Variants in DBN1 observed in about 807,000 individuals in gnomAD.
DBN1 encodes drebrin.
A neutral mutation model predicts 83.5 loss-of-function variants in DBN1; 21 were observed. That is an observed-to-expected ratio of 0.25 (90% CI 0.18 to 0.36). DBN1 has a LOEUF of 0.36. Ranked by LOEUF, DBN1 falls within the 10% of genes least tolerant of loss-of-function variation. The pLI is 1.00. For missense variants in DBN1, 874 were observed against 935.7 expected (o/e 0.93, Z 0.86); for synonymous variants, 381 against 384.9 (o/e 0.99, Z 0.12).
At position 177,459,374 on chromosome 5, in the gene DBN1, G is replaced by A. The variant is rs1467095408; in HGVS notation, c.1094-106C>T. ...CACCTCCTCTCTGGAATCTGGGTGGGGGCTGGGAGCTCTCCAGCCCCACCA... is the reference window on the plus strand; with the variant it reads ...CACCTCCTCTCTGGAATCTGGGTGGAGGCTGGGAGCTCTCCAGCCCCACCA... On this transcript the variant is annotated intron_variant, in intron 11 of 14. Transcript: ENST00000393565. The A allele has an allele frequency of 1.0e-5, 15 of 1,500,766 alleles. No individual in the cohort carries two copies. In the Admixed American group the frequency reaches 3.8e-4, roughly 38 times the overall value. 93.0% of individuals were successfully genotyped at this position (1,500,766 alleles called of 1,614,324 possible).
At chr5:177,457,908 G>T in intron 13 of DBN1, 150 bp downstream of exon 13, 1 of 767,950 alleles carries the variant, frequency 1.3e-6, no homozygotes, top group Non-Finnish European at 2.0e-6. Flanking sequence ...AGCAGAGCCG[G>T]CCCAGGGAGG....
In DBN1 at chr5:177,459,220, G is replaced by C; in HGVS notation, c.1142C>G (p.Thr381Arg). The change falls in exon 12 of 15, where the codon ACG becomes AGG. Residue 381 changes from threonine to arginine, a missense_variant. Transcript: ENST00000393565. ...HRRMAPTPIP[T>R]RSPSDSSTAS... ...GGTGCTGGAGTCAGACGGGCTCCGC[G>C]TGGGGATGGGAGTGGGCGCCATCCT... The C allele has an allele frequency of 6.2e-7, 1 of 1,611,286 alleles. No individual in the cohort carries two copies. The highest frequency in any genetic ancestry group is 1.1e-5 in the South Asian group (1 of 90,996).
chr5:177,472,744 C>A, intron 1 of DBN1: 1 of 965,032 alleles, frequency 1.0e-6, no homozygotes, highest in African/African-American at 1.8e-5. Flanking sequence ...CTAGTCCCCG[C>A]AGTCCCCTTC....
chr5:177,468,243 AG>A, intron 2 of DBN1, 23 bp from the exon 3 acceptor site: 1 of 1,597,940 alleles, frequency 6.3e-7, no homozygotes, highest in African/African-American at 1.3e-5. Context: ...GGAGAGTGTC[AG>A]GTCTCTCTGC....
intron 1 of DBN1, among the ~76,000 whole-genome samples, chr5:177,472,594 G>A (rs962887783): frequency 2.6e-5 from 4 of 152,148 alleles, no homozygotes; most frequent in African/African-American, 4.8e-5. Context: ...GGGACCGAGT[G>A]CCCCTTGCTG....
chr5:177,464,374 A>G (rs1457628136), intron 8 of DBN1, among the ~76,000 whole-genome samples: 1 of 151,764 alleles, frequency 6.6e-6, no homozygotes, highest in East Asian at 1.9e-4. Context: ...TGAACCCAGG[A>G]GGCAGAGGTT....
chr5:177,472,195 A>T, intron 1 of DBN1: 1 of 1,613,626 alleles, frequency 6.2e-7, no homozygotes, highest in Non-Finnish European at 8.5e-7. Context: ...GTACCATGCC[A>T]TGGATGCCCA....
At chr5:177,463,602 T>C (rs1757200279) in intron 8 of DBN1, among the ~76,000 whole-genome samples, 1 of 152,248 alleles carries the variant, frequency 6.6e-6, no homozygotes, top group African/African-American at 2.4e-5. Flanking sequence ...GTCTCTCGCA[T>C]ATTCCCTTCC....
Position 177,467,395 on chromosome 5 carries a change from G to C in DBN1, c.478-63C>G. Reference sequence around the variant, plus strand: ...GCCCCAGGAACCCCCGACACCTAAAGGGTGAGAGCTAAGAGGGACCGGGCA... The same window carrying C: ...GCCCCAGGAACCCCCGACACCTAAACGGTGAGAGCTAAGAGGGACCGGGCA... On this transcript the variant is annotated intron_variant, in intron 5 of 14. Coordinates refer to ENST00000393565, the MANE Select transcript of DBN1 (RefSeq NM_001363541.2). The surrounding 1 kb of genome is among the most constrained non-coding windows in gnomAD (Gnocchi z 9.1). The C allele has an allele frequency of 6.2e-7, 1 of 1,613,624 alleles. No homozygotes were observed. Among genetic ancestry groups the C allele is most frequent in the Non-Finnish European group, 8.5e-7 (1 of 1,179,614 alleles).
In DBN1 at chr5:177,456,761, C is replaced by T. The variant is rs1246836539; in HGVS notation, c.*672G>A. The T allele has an allele frequency of 2.6e-5, 4 of 151,628 alleles. No individual in the cohort carries two copies. The highest frequency in any genetic ancestry group is 7.3e-5 in the African/African-American group (3 of 40,974). The allele number at this position is 151,628 out of a possible 1,614,324, so 9.4% of individuals were successfully genotyped here. On this transcript the variant is annotated 3_prime_UTR_variant, in exon 15 of 15. Transcript: ENST00000393565. ...GAGGAAGGAGTTGGGGAGGGGCCAC[C>T]AAAGCCCCTGGGCCCCATCCATAGC...
intron 13 of DBN1, 88 bp from the exon 14 acceptor site, chr5:177,457,845 A>G (rs1302107976): frequency 5.4e-6 from 5 of 918,314 alleles, no homozygotes; most frequent in Non-Finnish European, 8.0e-6. Flanking sequence ...CCAGCAACCA[A>G]TGATTCCATC....
rs1321841060 is a variant in DBN1 at position 177,458,076 on chromosome 5, G to A, written c.1896C>T (p.Thr632=). 1 of 1,613,712 alleles carries A rather than the reference G, an allele frequency of 6.2e-7. No individual in the cohort carries two copies. Among genetic ancestry groups the A allele is most frequent in the African/African-American group, 1.3e-5 (1 of 74,918 alleles). ...EPHLLTNGET[T]QKEGTQASEG... Reference sequence around the variant, plus strand: ...GCCGCACCTGGGTCCCCTCCTTCTGGGTGGTCTCGCCATTGGTTAGCAGGT... The same window carrying A: ...GCCGCACCTGGGTCCCCTCCTTCTGAGTGGTCTCGCCATTGGTTAGCAGGT... The change falls in exon 13 of 15, where the codon ACC becomes ACT. Residue 632 remains threonine (T), a synonymous_variant. Transcript: ENST00000393565.
At chr5:177,468,662 C>T (rs1378682812) in intron 2 of DBN1, 182 bp downstream of exon 2, 1 of 437,394 alleles carries the variant, frequency 2.3e-6, no homozygotes, top group African/African-American at 2.0e-5. Context: ...CAACAAGGCT[C>T]TGAGATTCCT....
chr5:177,459,514 G>T (rs1756845387), intron 11 of DBN1, 89 bp downstream of exon 11: 25 of 1,382,220 alleles, frequency 1.8e-5, no homozygotes, highest in Admixed American at 3.0e-5. Flanking sequence ...CCAGAGATCA[G>T]CGGTCAGACT....
Position 177,460,674 on chromosome 5 carries a change from G to A in DBN1, c.801C>T (p.Thr267=). The A allele has an allele frequency of 1.2e-6, 2 of 1,614,150 alleles. No individual in the cohort carries two copies. The highest frequency in any genetic ancestry group is 1.7e-6 in the Non-Finnish European group (2 of 1,180,014). ...FGDHRDEEEE[T]HMKKSESEVE... is the part of the protein sequence containing the mutation. ...CCTCCGACTCTGACTTCTTCATGTG[G>A]GTCTCTTCCTCCTCATCCCGATGGT... The change falls in exon 9 of 15, where the codon ACC becomes ACT. Residue 267 remains threonine (T), a synonymous_variant. Transcript: ENST00000393565.
Position 177,460,495 on chromosome 5 carries a change from C to T in DBN1, c.892G>A (p.Glu298Lys), listed in dbSNP as rs1307403661. The stretch of plus-strand genomic sequence containing the variant: ...CCCGCAGAGGCCGATGCGACTCTTT[C>T]CTGCTGCTTGAAGAACTCCCTTGGG... ...DNPREFFKQQ[E>K]RVASASAGSC... The change falls in exon 10 of 15, where the codon GAA becomes AAA. Residue 298 changes from glutamate to lysine, a missense_variant. Coordinates refer to ENST00000393565, the MANE Select transcript of DBN1 (RefSeq NM_001363541.2). 6.2e-7 allele frequency: 1 copy of T among 1,614,228 alleles called. No individual in the cohort carries two copies. The highest frequency in any genetic ancestry group is 1.7e-5 in the Admixed American group (1 of 60,032).
intron 11 of DBN1, 125 bp from the exon 12 acceptor site, chr5:177,459,393 C>T: frequency 1.4e-6 from 2 of 1,459,062 alleles, no homozygotes; most frequent in Non-Finnish European, 1.8e-6. Context: ...GCTCTCCAGC[C>T]CCACCAGGGG....
At position 177,467,858 on chromosome 5, in the gene DBN1, G is replaced by C; in HGVS notation, c.256-41C>G. ...CAAAGAGGGGGTCAGGAAAGGACAAGGGGGGCCCTACACGATAGGGTGCAT... is the reference window on the plus strand; with the variant it reads ...CAAAGAGGGGGTCAGGAAAGGACAACGGGGGCCCTACACGATAGGGTGCAT... On this transcript the variant is annotated intron_variant, in intron 3 of 14. Coordinates refer to ENST00000393565, the MANE Select transcript of DBN1 (RefSeq NM_001363541.2). The surrounding 1 kb of genome is among the most constrained non-coding windows in gnomAD (Gnocchi z 9.1). 6.3e-7 allele frequency: 1 copy of C among 1,581,354 alleles called. No homozygotes were observed. The highest frequency in any genetic ancestry group is 8.6e-7 in the Non-Finnish European group (1 of 1,162,082).
Position 177,467,074 on chromosome 5 carries a change from G to A in DBN1, c.556-12C>T, listed in dbSNP as rs368712224. 47 of 1,613,432 alleles carry A rather than the reference G, an allele frequency of 2.9e-5. No individual in the cohort carries two copies. Among genetic ancestry groups the A allele is most frequent in the African/African-American group, 1.7e-4 (13 of 74,896 alleles). ...AGCTCTTCTTCCTTCTGCAAGCCCC[G>A]GTGCGAACAAGGGTAGGCCCCGAGC... On this transcript the variant is annotated splice_polypyrimidine_tract_variant and intron_variant, in intron 6 of 14. Coordinates refer to ENST00000393565, the MANE Select transcript of DBN1 (RefSeq NM_001363541.2). The surrounding 1 kb of genome is among the most constrained non-coding windows in gnomAD (Gnocchi z 9.1).
Sources: allele counts gnomAD v4.1 joint callset (sites outside exome capture counted in the v4.1 genomes callset), GRCh38; gene constraint gnomAD v4.1.1; non-coding constraint Gnocchi (gnomAD v3.1); transcripts MANE v1.5; gene names NCBI Gene and HGNC (gene_info 2026-07-23, HGNC 2026-07-21).